Variants in ANKS3 observed in about 807,000 individuals in gnomAD.
The protein encoded by ANKS3 is ankyrin repeat and sterile alpha motif domain containing 3, also known as ankyrin repeat and SAM domain-containing protein 3.
Under a neutral mutation model 80.7 loss-of-function variants are expected in ANKS3, and 62 were observed. The ratio of observed to expected loss-of-function variants is 0.77; its 90% CI spans 0.63 to 0.95. The LOEUF (loss-of-function observed/expected upper bound fraction) is 0.95. Among genes scored for constraint, ANKS3 ranks in the 40% least tolerant of loss-of-function variants. ANKS3 has a pLI of 0.00. For missense variants in ANKS3, 1,150 were observed against 883.6 expected (o/e 1.30, Z -3.82); for synonymous variants, 489 against 355.3 (o/e 1.38, Z -4.23).
In ANKS3 at chr16:4,724,844, G is replaced by C; in HGVS notation, c.492-13C>G. On this transcript the variant is annotated splice_polypyrimidine_tract_variant and intron_variant, in intron 5 of 17. Coordinates refer to ENST00000304283, the MANE Select transcript of ANKS3 (RefSeq NM_133450.4). The stretch of plus-strand genomic sequence containing the variant: ...ACATATCGGCTCCCTGCAAGATGTG[G>C]GCCACAGTCAGATGATTGGAAGAGA... 6.2e-7 allele frequency: 1 copy of C among 1,613,288 alleles called. No individual in the cohort carries two copies. The highest frequency in any genetic ancestry group is 8.5e-7 in the Non-Finnish European group (1 of 1,179,574).
At chr16:4,697,759 C>T (rs1359576456) in intron 15 of ANKS3, among the ~76,000 whole-genome samples, 1 of 152,224 alleles carries the variant, frequency 6.6e-6, no homozygotes, top group African/African-American at 2.4e-5. Flanking sequence ...GTACCTCCTA[C>T]CCCTGGGGGA....
Position 4,697,096 on chromosome 16 carries a change from G to A in ANKS3, c.1903C>T (p.Leu635=). Residue 635 remains leucine (L), a synonymous_variant, in exon 17 of 18, where the codon CTG becomes TTG. Coordinates refer to ENST00000304283, the MANE Select transcript of ANKS3 (RefSeq NM_133450.4). ...TCCAGGCTCTGGGTCACTAAGCACA[G>A]TGCTTGCCCTGAGGAATGATGACCT... ...EDRVREMGQA[L]CLVTQSLEKL... The A allele has an allele frequency of 6.2e-7, 1 of 1,613,760 alleles. No individual in the cohort carries two copies. Among genetic ancestry groups the A allele is most frequent in the Non-Finnish European group, 8.5e-7 (1 of 1,179,936 alleles).
chr16:4,704,211 C>G (rs1311091368), intron 8 of ANKS3, among the ~76,000 whole-genome samples: 3 of 152,178 alleles, frequency 2.0e-5, no homozygotes, highest in South Asian at 4.1e-4. Context: ...AGCACCCAGG[C>G]TTGGGAAGAC....
chr16:4,720,760 C>T (rs925925478), intron 6 of ANKS3, among the ~76,000 whole-genome samples: 3 of 149,694 alleles, frequency 2.0e-5, no homozygotes, highest in African/African-American at 2.4e-5. Flanking sequence ...ACCAACATGC[C>T]GAAACCCTGT....
At chr16:4,721,633 T>G (rs72770365) in intron 6 of ANKS3, among the ~76,000 whole-genome samples, 10,409 of 58,486 alleles carry the variant, frequency 0.18, 746 homozygotes, top group African/African-American at 0.23. Context: ...TTGATTTATT[T>G]ATTTATTTAT....
chr16:4,699,160 A>G lies in ANKS3; in HGVS notation c.1301T>C (p.Leu434Pro), dbSNP rs2079760617. The change falls in exon 12 of 18, where the codon CTG becomes CCG. Residue 434 changes from leucine to proline, a missense_variant. Leu to Pro is a moderately conservative substitution (Grantham distance 98). Coordinates refer to ENST00000304283, the MANE Select transcript of ANKS3 (RefSeq NM_133450.4). ...YSGPQDLAAL[L>P]EQIGCLKYLQ... ...GTACTTCAGACACCCGATCTGCTCC[A>G]GCAGTGCGGCAAGGTCCTGGCAGGC... is the stretch of plus-strand genomic sequence containing the variant. 6.2e-7 allele frequency: 1 copy of G among 1,613,940 alleles called. No homozygotes were observed. Among genetic ancestry groups the G allele is most frequent in the Non-Finnish European group, 8.5e-7 (1 of 1,180,024 alleles).
intron 5 of ANKS3, among the ~76,000 whole-genome samples, chr16:4,725,980 G>GT (rs34382772): frequency 2.7e-4 from 37 of 137,162 alleles, no homozygotes; most frequent in East Asian, 8.7e-4. Flanking sequence ...TGTTGTTTTT[G>GT]TTTTTTTTTT....
Position 4,734,041 on chromosome 16 carries a change from G to A in ANKS3, c.-174C>T. On this transcript the variant is annotated 5_prime_UTR_variant, in exon 1 of 18. Coordinates refer to ENST00000304283, the MANE Select transcript of ANKS3 (RefSeq NM_133450.4). ...CCACAACCACATAAAGAAAATGTGGGGGCTCGGTCCTCCAGTCACGCGGCG... is the reference window on the plus strand; with the variant it reads ...CCACAACCACATAAAGAAAATGTGGAGGCTCGGTCCTCCAGTCACGCGGCG... 1 of 983,196 alleles carries A rather than the reference G, an allele frequency of 1.0e-6. No homozygotes were observed. The highest frequency in any genetic ancestry group is 4.7e-5 in the South Asian group (1 of 21,258). The allele number at this position is 983,196 out of a possible 1,614,324, so 60.9% of individuals were successfully genotyped here.
intron 6 of ANKS3, 168 bp from the exon 7 acceptor site, chr16:4,714,354 C>T (rs2080661742): frequency 9.8e-7 from 1 of 1,023,636 alleles, no homozygotes; most frequent in Admixed American, 2.8e-5. Flanking sequence ...GCACCGCAGC[C>T]ACAAGTTTTG....
At chr16:4,731,969 G>A (rs1254908736) in intron 1 of ANKS3, among the ~76,000 whole-genome samples, 2 of 152,214 alleles carry the variant, frequency 1.3e-5, no homozygotes, top group Admixed American at 6.5e-5. Context: ...TTGTCAGGTT[G>A]TGATGACCTA....
intron 6 of ANKS3, among the ~76,000 whole-genome samples, chr16:4,724,276 G>A (rs919943775): frequency 6.6e-6 from 1 of 152,202 alleles, no homozygotes; most frequent in Admixed American, 6.5e-5. Context: ...ATGTCTCTAA[G>A]TTACAGACTA....
chr16:4,720,526 A>G (rs2081036146), intron 6 of ANKS3, among the ~76,000 whole-genome samples: 1 of 151,166 alleles, frequency 6.6e-6, no homozygotes, highest in Non-Finnish European at 1.5e-5. Flanking sequence ...TATGGAACAA[A>G]GCAAGTTTAC....
intron 6 of ANKS3, 103 bp from the exon 7 acceptor site, chr16:4,714,289 C>A: frequency 6.7e-7 from 1 of 1,487,660 alleles, no homozygotes. Flanking sequence ...TGGTTTCTGA[C>A]TGCCTCCCTG....
chr16:4,706,796 C>T (rs2080218866), intron 7 of ANKS3, among the ~76,000 whole-genome samples: 1 of 152,196 alleles, frequency 6.6e-6, no homozygotes, highest in South Asian at 2.1e-4. Context: ...AGGTCCTTTG[C>T]ATTACCACCT....
intron 7 of ANKS3, among the ~76,000 whole-genome samples, chr16:4,706,048 G>T (rs1462485945): frequency 6.6e-6 from 1 of 151,724 alleles, no homozygotes; most frequent in Non-Finnish European, 1.5e-5. Flanking sequence ...ATAGGCAGAT[G>T]CCACCATACC....
At position 4,702,103 on chromosome 16, in the gene ANKS3, C is replaced by G; in HGVS notation, c.1008G>C (p.Arg336=). 6.3e-7 allele frequency: 1 copy of G among 1,588,266 alleles called. No individual in the cohort carries two copies. Among genetic ancestry groups the G allele is most frequent in the Non-Finnish European group, 8.5e-7 (1 of 1,171,062 alleles). The change falls in exon 9 of 18, where the codon CGG becomes CGC. Residue 336 remains arginine, a splice_region_variant and synonymous_variant. Transcript: ENST00000304283. ...DVESSSSSSS[R]EEHAFCANLG... ...CCGGATGGGTGGGGGTGCACGTACC[C>G]CGACTGCTGCTGCTGCTGCTGCTCT...
At position 4,699,130 on chromosome 16, in the gene ANKS3, T is replaced by G. The variant is rs768532604; in HGVS notation, c.1331A>C (p.Gln444Pro). The G allele has an allele frequency of 5.0e-6, 8 of 1,614,026 alleles. No individual in the cohort carries two copies. The highest frequency in any genetic ancestry group is 3.3e-4 in the Middle Eastern group (2 of 6,084). ...GTCCACGTCCTGCTCCTCAAACACC[T>G]GCAGGTACTTCAGACACCCGATCTG... ...LEQIGCLKYL[Q>P]VFEEQDVDLR... is the part of the protein sequence containing the mutation. Residue 444 changes from glutamine to proline, a missense_variant, in exon 12 of 18, where the codon CAG becomes CCG. Transcript: ENST00000304283.
intron 7 of ANKS3, among the ~76,000 whole-genome samples, chr16:4,709,129 G>A (rs572008416): frequency 4.0e-5 from 6 of 151,730 alleles, no homozygotes; most frequent in Non-Finnish European, 7.4e-5. Flanking sequence ...AATTTTTGCC[G>A]GGTGCAGCGG....
At position 4,714,172 on chromosome 16, in the gene ANKS3, G is replaced by A. The variant is rs893564422; in HGVS notation, c.588C>T (p.Asp196=). 1.5e-5 allele frequency: 25 copies of A among 1,613,946 alleles called. No individual in the cohort carries two copies. The highest frequency in any genetic ancestry group is 6.7e-5 in the African/African-American group (5 of 74,900). Residue 196 remains aspartate, a synonymous_variant, in exon 7 of 18, where the codon GAC becomes GAT. Transcript: ENST00000304283. Reference sequence around the variant, plus strand: ...CTGTGGCTCCACTGTGGTCTCTCGCGTCCACCTTGACTCCCTGTGAATGTC... The same window carrying A: ...CTGTGGCTCCACTGTGGTCTCTCGCATCCACCTTGACTCCCTGTGAATGTC... The part of the protein sequence containing the change: ...QYFLNHGVKV[D]ARDHSGATAR...
Sources: allele counts gnomAD v4.1 joint callset (sites outside exome capture counted in the v4.1 genomes callset), GRCh38; gene constraint gnomAD v4.1.1; transcripts MANE v1.5; gene names NCBI Gene and HGNC (gene_info 2026-07-23, HGNC 2026-07-21).